KLHL5: variants seen among roughly 807,000 people sequenced by gnomAD.
KLHL5 encodes the protein kelch-like protein 5.
Under a neutral mutation model 77.7 loss-of-function variants are expected in KLHL5, and 48 were observed. The ratio of observed to expected loss-of-function variants is 0.62; its 90% CI spans 0.49 to 0.79. The LOEUF (loss-of-function observed/expected upper bound fraction) is 0.79, where lower values mean the gene tolerates loss of function less well. KLHL5 is among the 30% of genes least tolerant of loss of function. The pLI, the probability that KLHL5 is intolerant of heterozygous loss-of-function variation, is 0.00. For synonymous variants in KLHL5, 260 were observed against 297.0 expected (o/e 0.88, Z 1.28); for missense variants, 723 against 859.7 (o/e 0.84, Z 1.99).
At chr4:39,051,255 C>T (rs1716620916) in intron 1 of KLHL5, among the ~76,000 whole-genome samples, 1 of 152,056 alleles carries the variant, frequency 6.6e-6, no homozygotes, top group African/African-American at 2.4e-5. Flanking sequence ...CATTTTCAAA[C>T]TACGCGATAA....
In KLHL5 at chr4:39,086,580, G is replaced by A. The variant is rs958180391; in HGVS notation, c.966G>A (p.Lys322=). ...TATTACCAGCCAGCGAAATTGCAAA[G>A]CTCTTGGCTAGTGATGACATGAACA... The part of the protein sequence containing the change: ...FVLLPASEIA[K]LLASDDMNIP... The change falls in exon 5 of 11, where the codon AAG becomes AAA. Residue 322 remains lysine, a synonymous_variant. Coordinates refer to ENST00000504108, the MANE Select transcript of KLHL5 (RefSeq NM_015990.5). 27 of 1,614,008 alleles carry A rather than the reference G, an allele frequency of 1.7e-5. No homozygotes were observed. The highest frequency in any genetic ancestry group is 2.3e-5 in the Non-Finnish European group (27 of 1,179,944).
the KLHL5 span, among the ~76,000 whole-genome samples, chr4:39,139,007 C>T: frequency 1.4e-4 from 22 of 152,208 alleles, no homozygotes; most frequent in African/African-American, 4.6e-4. Flanking sequence ...ATCAGCTGGG[C>T]GTGGTGGCTC....
Position 39,081,233 on chromosome 4 carries a change from T to C in KLHL5, c.697T>C (p.Tyr233His), listed in dbSNP as rs769200162. ...GTTGTGGTCCTTGATCCAGTATGCT[T>C]ATACAGGTAACGAGTCTGAAAATGT... is the stretch of plus-strand genomic sequence containing the variant. ...NSLWSLIQYA[Y>H]TGRLELKEDN... Residue 233 changes from tyrosine to histidine, a missense_variant, in exon 3 of 11, where the codon TAT becomes CAT. Tyr to His is a moderately conservative substitution (Grantham distance 83). Transcript: ENST00000504108. This position sits in a 1 kb window ranked among gnomAD's most constrained non-coding sequence, Gnocchi z 4.3. 1.2e-5 allele frequency: 20 copies of C among 1,606,826 alleles called. No homozygotes were observed. The highest frequency in any genetic ancestry group is 2.2e-5 in the East Asian group (1 of 44,676).
the KLHL5 span, among the ~76,000 whole-genome samples, chr4:39,134,909 T>C: frequency 4.1e-4 from 62 of 152,332 alleles, no homozygotes; most frequent in Middle Eastern, 3.4e-3. Context: ...AGAAGTTTCA[T>C]GTCATTGAAG....
intron 1 of KLHL5, among the ~76,000 whole-genome samples, chr4:39,070,673 A>G (rs990190157): frequency 2.2e-4 from 34 of 152,162 alleles, no homozygotes; most frequent in African/African-American, 8.2e-4. Flanking sequence ...TATTTAAGAA[A>G]ATTGGATTCT....
intron 10 of KLHL5, 136 bp downstream of exon 10, chr4:39,115,466 T>G: frequency 6.6e-7 from 1 of 1,523,088 alleles, no homozygotes; most frequent in Non-Finnish European, 8.8e-7. Flanking sequence ...TGATTAGCGA[T>G]GAGAAAAAGA....
intron 10 of KLHL5, among the ~76,000 whole-genome samples, chr4:39,119,194 T>C (rs943857501): frequency 6.6e-6 from 1 of 152,192 alleles, no homozygotes; most frequent in African/African-American, 2.4e-5. Context: ...CATATCAAAA[T>C]TGATCATCAG....
chr4:39,047,033 A>C (rs1384551298), intron 1 of KLHL5, among the ~76,000 whole-genome samples: 1 of 152,246 alleles, frequency 6.6e-6, no homozygotes, highest in African/African-American at 2.4e-5. Flanking sequence ...ACTAATGTTC[A>C]AGTTGCTGTT....
intron 5 of KLHL5, among the ~76,000 whole-genome samples, chr4:39,095,565 G>A (rs141047859): frequency 2.1e-4 from 32 of 151,738 alleles, no homozygotes; most frequent in African/African-American, 7.3e-4. Flanking sequence ...TACTGGACTT[G>A]TTTTTAGTAG....
At chr4:39,099,367 C>T (rs1721348864) in intron 6 of KLHL5, among the ~76,000 whole-genome samples, 1 of 152,108 alleles carries the variant, frequency 6.6e-6, no homozygotes, top group African/African-American at 2.4e-5. Flanking sequence ...ATGCTAGAAG[C>T]TTTCTGTGTG....
In KLHL5 at chr4:39,062,621, G is replaced by A. The variant is rs147134533; in HGVS notation, c.-32G>A. ...AATCTGTGTGCAGTGCTTTTTGCCCGTTGCCTAGACGATCACTTGGTTTCT... is the reference window on the plus strand; with the variant it reads ...AATCTGTGTGCAGTGCTTTTTGCCCATTGCCTAGACGATCACTTGGTTTCT... On this transcript the variant is annotated 5_prime_UTR_variant, in exon 1 of 11. Coordinates refer to ENST00000504108, the MANE Select transcript of KLHL5 (RefSeq NM_015990.5). The A allele has an allele frequency of 2.9e-4, 461 of 1,614,056 alleles. No homozygotes were observed. The highest frequency in any genetic ancestry group is 1.7e-3 in the East Asian group (76 of 44,886).
At chr4:39,080,484 G>A (rs1719508696) in intron 2 of KLHL5, among the ~76,000 whole-genome samples, 2 of 151,336 alleles carry the variant, frequency 1.3e-5, no homozygotes, top group South Asian at 4.2e-4. Context: ...CGAGATCATA[G>A]CATGGCACGC....
chr4:39,084,113 G>A lies in KLHL5; in HGVS notation c.900+1954G>A, dbSNP rs576528428. On this transcript the variant is annotated intron_variant, in intron 4 of 10. Coordinates refer to ENST00000504108, the MANE Select transcript of KLHL5 (RefSeq NM_015990.5). ...TAAAAACTATTCCAAAGGGGGAAAG[G>A]TCACAATGCTAGCAAGCGTTTGGTA... 3.6e-4 allele frequency among the ~76,000 whole-genome samples: 55 copies of A among 152,282 alleles called. 1 individual carries two copies. Among genetic ancestry groups the A allele is most frequent in the African/African-American group, 1.3e-3 (52 of 41,560 alleles).
At chr4:39,046,987 T>G (rs1716238959) in intron 1 of KLHL5, among the ~76,000 whole-genome samples, 1 of 152,170 alleles carries the variant, frequency 6.6e-6, no homozygotes, top group Non-Finnish European at 1.5e-5. Flanking sequence ...GATTAGAAAA[T>G]TGGTTTTACT....
rs1258788224 is a variant in KLHL5 at position 39,062,232 on chromosome 4, A to G, written c.-421A>G. ...TATACTAAGCAGCAGAGACTGAGAT[A>G]CTGCAACGGGGATAGTGTTTTCTGT... On this transcript the variant is annotated 5_prime_UTR_variant, in exon 1 of 11. Coordinates refer to ENST00000504108, the MANE Select transcript of KLHL5 (RefSeq NM_015990.5). The G allele has an allele frequency of 2.4e-6, 3 of 1,226,428 alleles. No homozygotes were observed. Among genetic ancestry groups the G allele is most frequent in the African/African-American group, 3.1e-5 (2 of 64,714 alleles). 76.0% of individuals were successfully genotyped at this position (1,226,428 alleles called of 1,614,324 possible).
chr4:39,141,512 C>T, the KLHL5 span, among the ~76,000 whole-genome samples: 12 of 152,006 alleles, frequency 7.9e-5, no homozygotes, highest in South Asian at 2.5e-3. Flanking sequence ...GGAATTTCAC[C>T]GTGTTAGCCA....
At chr4:39,058,206 G>A (rs1018531674), upstream of KLHL5, among the ~76,000 whole-genome samples, 2 of 152,112 alleles carry the variant, frequency 1.3e-5, no homozygotes, top group Admixed American at 6.6e-5. Flanking sequence ...TTTGAAGAAA[G>A]TGTGTCCATT....
chr4:39,097,730 G>C (rs1281247524), intron 6 of KLHL5, among the ~76,000 whole-genome samples: 1 of 152,188 alleles, frequency 6.6e-6, no homozygotes, highest in African/African-American at 2.4e-5. Flanking sequence ...AGACATGACA[G>C]CTATTATAAT....
At chr4:39,074,718 T>C (rs1186490068) in intron 1 of KLHL5, among the ~76,000 whole-genome samples, 5 of 152,176 alleles carry the variant, frequency 3.3e-5, no homozygotes, top group African/African-American at 1.2e-4. Flanking sequence ...GTAAGAAATA[T>C]GGTGACTTTT....
Sources: gnomAD v4.1 joint callset for allele counts (sites outside exome capture counted in the v4.1 genomes callset) on GRCh38, gnomAD v4.1.1 for gene constraint, Gnocchi (gnomAD v3.1) non-coding constraint, MANE v1.5 for transcripts, NCBI Gene and HGNC (gene_info 2026-07-23, HGNC 2026-07-21) for gene names.